The following COL13A1 variants were observed in gnomAD, a reference collection of about 807,000 sequenced individuals.
The protein encoded by COL13A1 is collagen alpha-1(XIII) chain.
Under a neutral mutation model 130.9 loss-of-function variants are expected in COL13A1, and 89 were observed. That is an observed-to-expected ratio of 0.68 (90% CI 0.57 to 0.81). The LOEUF is 0.81. Among genes scored for constraint, COL13A1 ranks in the 30% least tolerant of loss-of-function variants. The pLI, the probability that COL13A1 is intolerant of heterozygous loss-of-function variation, is 0.00. For synonymous variants in COL13A1, 402 were observed against 341.6 expected, an observed-to-expected ratio of 1.18 and a Z score of -1.95; for missense variants, 879 against 934.6, an observed-to-expected ratio of 0.94 and a Z score of 0.78.
intron 26 of COL13A1, 97 bp from the exon 27 acceptor site, chr10:69,926,989 AG>A: frequency 6.4e-7 from 1 of 1,563,484 alleles, no homozygotes; most frequent in South Asian, 1.1e-5. Flanking sequence ...CGCTCCTTTG[AG>A]GGGCCTAGCT....
chr10:69,958,326 G>T (rs2071190809), intron 40 of COL13A1, among the ~76,000 whole-genome samples: 1 of 152,212 alleles, frequency 6.6e-6, no homozygotes, highest in East Asian at 1.9e-4. Context: ...AGCAGGGGAA[G>T]AACAGCCACT....
intron 22 of COL13A1, among the ~76,000 whole-genome samples, chr10:69,922,198 C>T (rs994267585): frequency 2.6e-5 from 4 of 151,910 alleles, no homozygotes; most frequent in African/African-American, 9.7e-5. Flanking sequence ...GCAAATGCAT[C>T]CCACAGTTCA....
chr10:69,873,553 AC>A (rs1374702238), intron 4 of COL13A1, among the ~76,000 whole-genome samples: 1 of 152,186 alleles, frequency 6.6e-6, no homozygotes, highest in Non-Finnish European at 1.5e-5. Flanking sequence ...GCCATTCCAC[AC>A]CCATCCCTAA....
At position 69,918,085 on chromosome 10, in the gene COL13A1, A is replaced by G. The variant is rs35115899; in HGVS notation, c.967-200A>G. ...GGAGCCCCGCAGACTGAGCTACACA[A>G]AGCCCCTTCCTCAGGGTCCATTCTC... On this transcript the variant is annotated intron_variant, in intron 18 of 40. Transcript: ENST00000645393. 0.051 allele frequency among the ~76,000 whole-genome samples: 7,785 copies of G among 151,944 alleles called. 293 individuals are homozygous for G. Among genetic ancestry groups the G allele is most frequent in the Non-Finnish European group, 0.081 (5,483 of 67,938 alleles).
At chr10:69,850,728 AAG>A (rs1854540029) in intron 2 of COL13A1, among the ~76,000 whole-genome samples, 1 of 134,978 alleles carries the variant, frequency 7.4e-6, no homozygotes, top group African/African-American at 2.7e-5. Context: ...AGGGGAGGGG[AAG>A]AGAGAGAAGG....
intron 3 of COL13A1, among the ~76,000 whole-genome samples, chr10:69,869,269 A>G (rs2058827339): frequency 6.6e-6 from 1 of 152,212 alleles, no homozygotes; most frequent in South Asian, 2.1e-4. Flanking sequence ...AGTGAAGAAG[A>G]AAGGCCCAGG....
At chr10:69,841,944 G>A (rs973439297) in intron 2 of COL13A1, among the ~76,000 whole-genome samples, 2 of 152,188 alleles carry the variant, frequency 1.3e-5, no homozygotes, top group Non-Finnish European at 1.5e-5. Context: ...TATGGACCAC[G>A]TTAAGGCTTT....
intron 10 of COL13A1, among the ~76,000 whole-genome samples, chr10:69,890,141 C>T (rs2061028502): frequency 6.6e-6 from 1 of 152,064 alleles, no homozygotes; most frequent in Non-Finnish European, 1.5e-5. Flanking sequence ...ACATTTGGCC[C>T]AGCTTTCTCC....
At chr10:69,945,561 C>A in intron 36 of COL13A1, 110 bp from the exon 37 acceptor site, 1 of 1,458,978 alleles carries the variant, frequency 6.9e-7, no homozygotes, top group Non-Finnish European at 9.3e-7. Context: ...TCCCGGAGGG[C>A]TCTTGAGGGG....
chr10:69,909,050 A>C (rs2135324249), intron 17 of COL13A1, among the ~76,000 whole-genome samples: 1 of 152,278 alleles, frequency 6.6e-6, no homozygotes, highest in South Asian at 2.1e-4. Flanking sequence ...TGGGACACTG[A>C]AAATCCCTTC....
rs571148873 is a variant in COL13A1 at position 69,888,174 on chromosome 10, G to A, written c.550-130G>A. ...TACCCATAGTCACATTAACAAGTAC[G>A]TGGTCAAGCAGGGCCTTGAGCTCCA... On this transcript the variant is annotated intron_variant, in intron 8 of 40. Coordinates refer to ENST00000645393, the MANE Select transcript of COL13A1 (RefSeq NM_001368882.1). 1.7e-5 allele frequency: 16 copies of A among 967,548 alleles called. No individual in the cohort carries two copies. In the Admixed American group the frequency reaches 2.0e-4, roughly 12 times the overall value. 59.9% of individuals were successfully genotyped at this position (967,548 alleles called of 1,614,324 possible).
At chr10:69,934,373 A>T (rs544752663) in intron 31 of COL13A1, among the ~76,000 whole-genome samples, 103 of 152,332 alleles carry the variant, frequency 6.8e-4, no homozygotes, top group African/African-American at 2.5e-3. Context: ...GTTTCCAAAG[A>T]CTGTGTTCCC....
At chr10:69,853,357 T>C (rs1855506418) in intron 2 of COL13A1, among the ~76,000 whole-genome samples, 3 of 151,522 alleles carry the variant, frequency 2.0e-5, no homozygotes, top group South Asian at 4.2e-4. Flanking sequence ...CCATTTCCAA[T>C]GAGGCCTCTT....
At chr10:69,915,185 T>C (rs1035344182) in intron 17 of COL13A1, among the ~76,000 whole-genome samples, 3 of 152,168 alleles carry the variant, frequency 2.0e-5, no homozygotes, top group Non-Finnish European at 4.4e-5. Context: ...CACTCCCACA[T>C]TGGAAGGGAT....
At position 69,843,619 on chromosome 10, in the gene COL13A1, C is replaced by G. The variant is rs12571699; in HGVS notation, c.364+21181C>G. 4.7e-4 allele frequency among the ~76,000 whole-genome samples: 72 copies of G among 152,286 alleles called. No homozygotes were observed. In the East Asian group the frequency reaches 0.014, roughly 29 times the overall value. ...ATGTTTTCTATCCAACAGCTTTGAT[C>G]TATAAAATGAGGATAATGAGAAGGC... is the stretch of plus-strand genomic sequence containing the variant. On this transcript the variant is annotated intron_variant, in intron 2 of 40. Transcript: ENST00000645393.
Position 69,865,411 on chromosome 10 carries a change from G to A in COL13A1, c.365-2387G>A, listed in dbSNP as rs1241027655. On this transcript the variant is annotated intron_variant, in intron 2 of 40. Transcript: ENST00000645393. ...GGAAGCATCTGCTTGGAAACCCAGG[G>A]CTGTCCCAATGCAGGCCTGTTTGAT... Among the ~76,000 whole-genome samples the A allele has an allele frequency of 5.3e-5, 8 of 152,352 alleles. No homozygotes were observed. The East Asian group carries it at 1.5e-3, about 29-fold the overall frequency.
Position 69,802,375 on chromosome 10 carries a change from C to T in COL13A1, c.-49C>T, listed in dbSNP as rs2131974279. 7.1e-7 allele frequency: 1 copy of T among 1,407,030 alleles called. No individual in the cohort carries two copies. The highest frequency in any genetic ancestry group is 1.6e-5 in the South Asian group (1 of 63,090). 87.2% of individuals were successfully genotyped at this position (1,407,030 alleles called of 1,614,324 possible). A position where few individuals can be genotyped will look rare whatever the true frequency, so the allele number is the denominator to read the frequency against. On this transcript the variant is annotated 5_prime_UTR_variant, in exon 1 of 41. Transcript: ENST00000645393. Reference sequence around the variant, plus strand: ...TAGAGCCTTTTGGCAGCGGCTGTCGCCTTTATTTATTCTATTTATTTATTT... The same window carrying T: ...TAGAGCCTTTTGGCAGCGGCTGTCGTCTTTATTTATTCTATTTATTTATTT...
In COL13A1 at chr10:69,919,146, G is replaced by A; in HGVS notation, c.1026+58G>A. 3 of 1,608,064 alleles carry A rather than the reference G, an allele frequency of 1.9e-6. No individual in the cohort carries two copies. The South Asian group carries it at 3.3e-5, about 18-fold the overall frequency. ...CAGAGCATCGGTCATGGGCAGAGGT[G>A]GGAGGGGCTGCTGCTGTTTTGCTCT... is the stretch of plus-strand genomic sequence containing the variant. On this transcript the variant is annotated intron_variant, in intron 20 of 40. Coordinates refer to ENST00000645393, the MANE Select transcript of COL13A1 (RefSeq NM_001368882.1).
rs1589342622 is a variant in COL13A1, at chr10:69,836,532, T to C, written c.364+14094T>C. ...TATAAGCAGGGGAGGGAGGGGAGGG[T>C]CAGAGCTCCAGCTGCTCATTCTCTT... On this transcript the variant is annotated intron_variant, in intron 2 of 40. Transcript: ENST00000645393. 2.0e-5 allele frequency among the ~76,000 whole-genome samples: 3 copies of C among 151,410 alleles called. 1 individual carries two copies. In the South Asian group the frequency reaches 6.3e-4, roughly 32 times the overall value.
Sources: gnomAD v4.1 joint callset for allele counts (sites outside exome capture counted in the v4.1 genomes callset) on GRCh38, gnomAD v4.1.1 for gene constraint, MANE v1.5 for transcripts, NCBI Gene and HGNC (gene_info 2026-07-23, HGNC 2026-07-21) for gene names.